The following RBFOX1 variants were observed in gnomAD, a reference collection of about 807,000 sequenced individuals.
RBFOX1 encodes the protein RNA binding fox-1 homolog 1.
Under a neutral mutation model 57.7 loss-of-function variants are expected in RBFOX1, and 8 were observed. The ratio of observed to expected loss-of-function variants is 0.14; its 90% CI spans 0.08 to 0.25. The LOEUF is 0.25. Ranked by LOEUF, RBFOX1 falls within the 10% of genes least tolerant of loss-of-function variation. The pLI is 1.00. For synonymous variants in RBFOX1, 326 were observed against 222.4 expected (o/e 1.47, Z -4.15); for missense variants, 611 against 548.5 (o/e 1.11, Z -1.14).
In RBFOX1 at chr16:7,573,259, G is replaced by T. The variant is rs190921208; in HGVS notation, c.271-6518G>T. ...AGATGGGGTCAGGAAAAGCAAAGAG[G>T]CCAACAAGCGACAATGGGAGACAGG... On this transcript the variant is annotated intron_variant, in intron 5 of 15. Coordinates refer to ENST00000550418, the MANE Select transcript of RBFOX1 (RefSeq NM_018723.4). 1.8e-3 allele frequency among the ~76,000 whole-genome samples: 279 copies of T among 152,156 alleles called. 1 individual carries two copies. The highest frequency in any genetic ancestry group is 5.6e-3 in the Admixed American group (85 of 15,278).
intron 4 of RBFOX1, among the ~76,000 whole-genome samples, chr16:7,087,187 T>C (rs1471196553): frequency 6.6e-6 from 1 of 152,152 alleles, no homozygotes; most frequent in Non-Finnish European, 1.5e-5. Flanking sequence ...GCACATGTTC[T>C]TTTCTCTGCG....
chr16:6,074,110 G>A (rs896221564), intron 1 of RBFOX1, among the ~76,000 whole-genome samples: 2 of 152,002 alleles, frequency 1.3e-5, no homozygotes, highest in Non-Finnish European at 2.9e-5. Context: ...CACCACGCCT[G>A]GCTAATTTTT....
intron 1 of RBFOX1, among the ~76,000 whole-genome samples, chr16:5,336,577 G>A (rs144705586): frequency 6.6e-6 from 1 of 152,308 alleles, no homozygotes; most frequent in African/African-American, 2.4e-5. Context: ...TGTATCCTCT[G>A]GAGTAGGTGC....
chr16:7,021,273 C>G (rs949165317), intron 3 of RBFOX1, among the ~76,000 whole-genome samples: 12 of 150,356 alleles, frequency 8.0e-5, no homozygotes, highest in Admixed American at 1.3e-4. Context: ...TACTTGAGTC[C>G]TCTTGGTTTC....
intron 1 of RBFOX1, among the ~76,000 whole-genome samples, chr16:5,359,828 A>G (rs1596651773): frequency 6.6e-6 from 1 of 152,160 alleles, no homozygotes; most frequent in Non-Finnish European, 1.5e-5. Context: ...AACTGTGGTT[A>G]ATGGTTTCCT....
chr16:7,520,117 C>T (rs2077216823), intron 5 of RBFOX1, among the ~76,000 whole-genome samples: 1 of 152,054 alleles, frequency 6.6e-6, no homozygotes, highest in Admixed American at 6.5e-5. Flanking sequence ...AATCTCCTGA[C>T]CTCGCGATCT....
intron 3 of RBFOX1, among the ~76,000 whole-genome samples, chr16:6,884,768 C>T (rs932484245): frequency 3.9e-5 from 6 of 152,002 alleles, no homozygotes; most frequent in Non-Finnish European, 1.5e-5. Context: ...TGTGATGGCA[C>T]ATACCTGCAG....
chr16:7,274,843 C>T (rs1378831856), intron 4 of RBFOX1, among the ~76,000 whole-genome samples: 1 of 151,976 alleles, frequency 6.6e-6, no homozygotes, highest in Non-Finnish European at 1.5e-5. Flanking sequence ...TGCCACCACA[C>T]CTGGCTGATT....
chr16:6,498,024 G>A (rs903776956), intron 2 of RBFOX1, among the ~76,000 whole-genome samples: 6 of 151,986 alleles, frequency 3.9e-5, no homozygotes, highest in Non-Finnish European at 8.8e-5. Context: ...TGAGGCGGGT[G>A]GATCGCCTAA....
Position 6,544,473 on chromosome 16 carries a change from G to C in RBFOX1, c.-63-110130G>C, listed in dbSNP as rs143603481. Among the ~76,000 whole-genome samples the C allele has an allele frequency of 1.5e-4, 23 of 152,280 alleles. No individual in the cohort carries two copies. The East Asian group carries it at 4.4e-3, about 29-fold the overall frequency. On this transcript the variant is annotated intron_variant, in intron 2 of 15. Transcript: ENST00000550418. ...GTTCTGGGAGGCACTGTAATTTCCT[G>C]TTTTGTAGGATCTCATAGGAAATTT...
At chr16:7,117,282 A>G (rs2066126853) in intron 4 of RBFOX1, among the ~76,000 whole-genome samples, 1 of 152,190 alleles carries the variant, frequency 6.6e-6, no homozygotes, top group African/African-American at 2.4e-5. Context: ...AGCCTAGCTT[A>G]TAAAGTTATT....
In RBFOX1 at chr16:5,930,815, T is replaced by A. The variant is rs558917662; in HGVS notation, c.351+63480T>A. On this transcript the variant is annotated intron_variant, in intron 4 of 19. Coordinates refer to the RBFOX1 transcript ENST00000641259. ...GCGGGTATGTTGGTGGGTGGGAGGG[T>A]GGATGGTTGCATGGATGGATGGATG... 6.8e-3 allele frequency among the ~76,000 whole-genome samples: 739 copies of A among 109,412 alleles called. 15 individuals carry two copies. The highest frequency in any genetic ancestry group is 0.026 in the African/African-American group (697 of 27,286). The allele number at this position is 109,412 out of a possible 152,430, so 71.8% of individuals were successfully genotyped here. A position where few individuals can be genotyped will look rare whatever the true frequency, so the allele number is the denominator to read the frequency against.
chr16:6,984,654 T>C (rs1236882804), intron 3 of RBFOX1, among the ~76,000 whole-genome samples: 1 of 152,084 alleles, frequency 6.6e-6, no homozygotes, highest in African/African-American at 2.4e-5. Context: ...ATATTTTTAT[T>C]ATTATTTTGA....
chr16:7,168,758 CT>C (rs2080081600), intron 4 of RBFOX1, among the ~76,000 whole-genome samples: 1 of 152,172 alleles, frequency 6.6e-6, no homozygotes. Flanking sequence ...TATTTATTCA[CT>C]CCATAATGTA....
chr16:6,575,355 A>G (rs1437987339), intron 2 of RBFOX1, among the ~76,000 whole-genome samples: 1 of 152,180 alleles, frequency 6.6e-6, no homozygotes, highest in Non-Finnish European at 1.5e-5. Context: ...TCCTCTCAAC[A>G]TTGTCTATAG....
At chr16:7,472,275 G>C (rs977939318) in intron 4 of RBFOX1, among the ~76,000 whole-genome samples, 1 of 150,926 alleles carries the variant, frequency 6.6e-6, no homozygotes, top group African/African-American at 2.5e-5. Flanking sequence ...TAAAATTTCA[G>C]TGTAAATACA....
chr16:6,552,132 G>T (rs1240593659), intron 2 of RBFOX1, among the ~76,000 whole-genome samples: 1 of 152,172 alleles, frequency 6.6e-6, no homozygotes, highest in Non-Finnish European at 1.5e-5. Flanking sequence ...ATGTTCTTGT[G>T]TGTGGCTAAG....
At position 6,780,958 on chromosome 16, in the gene RBFOX1, T is replaced by C. The variant is rs544493757; in HGVS notation, c.-16+126308T>C. ...ATTTTGTAGGTTGTCTTATCACTTG[T>C]TTGTGGTTGCCTTTGCTGTGCAGAC... On this transcript the variant is annotated intron_variant, in intron 3 of 15. Coordinates refer to ENST00000550418, the MANE Select transcript of RBFOX1 (RefSeq NM_018723.4). Among the ~76,000 whole-genome samples, 27 of 152,228 alleles carry C rather than the reference T, an allele frequency of 1.8e-4. 1 individual carries two copies. The highest frequency in any genetic ancestry group is 1.6e-3 in the Admixed American group (24 of 15,276).
At chr16:6,529,596 A>G (rs1167059526) in intron 2 of RBFOX1, among the ~76,000 whole-genome samples, 1 of 151,610 alleles carries the variant, frequency 6.6e-6, no homozygotes, top group Non-Finnish European at 1.5e-5. Flanking sequence ...ATTATTATTT[A>G]TCCTAAATGT....
Sources: gnomAD v4.1 joint callset for allele counts (sites outside exome capture counted in the v4.1 genomes callset) on GRCh38, gnomAD v4.1.1 for gene constraint, MANE v1.5 for transcripts, NCBI Gene and HGNC (gene_info 2026-07-23, HGNC 2026-07-21) for gene names.